CENPP: variants seen among roughly 807,000 people sequenced by gnomAD.
The protein encoded by CENPP is centromere protein P.
Under a neutral mutation model 35.6 loss-of-function variants are expected in CENPP, and 24 were observed. The observed-to-expected ratio is 0.67, with a 90% CI of 0.49 to 0.95. The LOEUF (loss-of-function observed/expected upper bound fraction) is 0.95, where lower values mean the gene tolerates loss of function less well. Ranked by LOEUF, CENPP falls within the 40% of genes least tolerant of loss-of-function variation. The probability of loss-of-function intolerance (pLI) is 0.00; values close to 1 mark genes in which losing one functional copy is unlikely to be tolerated. For synonymous variants in CENPP, 120 were observed against 125.5 expected, an observed-to-expected ratio of 0.96 and a Z score of 0.29; for missense variants, 332 against 345.3, an observed-to-expected ratio of 0.96 and a Z score of 0.31.
chr9:92,422,908 G>A (rs1843853778), intron 5 of CENPP, among the ~76,000 whole-genome samples: 1 of 152,020 alleles, frequency 6.6e-6, no homozygotes, highest in Admixed American at 6.6e-5. Flanking sequence ...TTCTCTATAG[G>A]ATAACTCACA....
chr9:92,382,438 T>C (rs1468841047), intron 5 of CENPP, among the ~76,000 whole-genome samples: 1 of 152,126 alleles, frequency 6.6e-6, no homozygotes, highest in Non-Finnish European at 1.5e-5. Flanking sequence ...CATCTTACAA[T>C]GGTATAGAAC....
intron 5 of CENPP, among the ~76,000 whole-genome samples, chr9:92,412,746 A>G (rs74515658): frequency 1.3e-5 from 2 of 152,192 alleles, no homozygotes; most frequent in East Asian, 3.9e-4. Context: ...CATTTTGTGT[A>G]TCCATTGATG....
intron 5 of CENPP, among the ~76,000 whole-genome samples, chr9:92,533,822 T>C (rs1426800279): frequency 6.6e-6 from 1 of 152,180 alleles, no homozygotes; most frequent in East Asian, 1.9e-4. Flanking sequence ...CTTATAGATA[T>C]TTGTCCATTA....
chr9:92,548,878 A>C (rs1849528476), intron 5 of CENPP, among the ~76,000 whole-genome samples: 1 of 152,136 alleles, frequency 6.6e-6, no homozygotes, highest in Non-Finnish European at 1.5e-5. Context: ...TGTGTGTGTT[A>C]TCTAGAACTT....
intron 5 of CENPP, chr9:92,494,236 A>G: frequency 7.1e-7 from 1 of 1,417,150 alleles, no homozygotes; most frequent in Non-Finnish European, 9.7e-7. Context: ...CTGCTGACTC[A>G]CCTTATTCAG....
chr9:92,558,621 G>A (rs1849777420), intron 5 of CENPP, among the ~76,000 whole-genome samples: 1 of 152,150 alleles, frequency 6.6e-6, no homozygotes. Context: ...TTGGCCTCCT[G>A]TCAAGAGGTG....
At chr9:92,416,354 C>T (rs1166545902) in intron 5 of CENPP, among the ~76,000 whole-genome samples, 1 of 151,984 alleles carries the variant, frequency 6.6e-6, no homozygotes, top group Non-Finnish European at 1.5e-5. Context: ...CCCCACCCGC[C>T]TTAGCCTCCC....
intron 5 of CENPP, among the ~76,000 whole-genome samples, chr9:92,565,617 A>C (rs546230872): frequency 6.6e-6 from 1 of 152,238 alleles, no homozygotes; most frequent in African/African-American, 2.4e-5. Flanking sequence ...TTCTGATCAC[A>C]GAGATACAGA....
At position 92,614,303 on chromosome 9, in the gene CENPP, G is replaced by GAAC; in HGVS notation, c.*1155_*1157dup. On this transcript the variant is annotated 3_prime_UTR_variant, in exon 8 of 8. Coordinates refer to ENST00000375587, the MANE Select transcript of CENPP (RefSeq NM_001012267.3). ...GCCCCAGCCCCAGCCCAGCAACAGT[G>GAAC]AACTCCCTTGGGTCAAGACAGTACT... is the stretch of plus-strand genomic sequence containing the variant. 6.5e-6 allele frequency: 1 copy of GAAC among 153,078 alleles called. No homozygotes were observed. The highest frequency in any genetic ancestry group is 1.5e-5 in the Non-Finnish European group (1 of 68,668). The allele number at this position is 153,078 out of a possible 1,614,324, so 9.5% of individuals were successfully genotyped here.
rs1215892774 is a variant in CENPP at position 92,415,013 on chromosome 9, A to G, written c.564+35154A>G. 5.0e-6 allele frequency: 3 copies of G among 601,184 alleles called. No individual in the cohort carries two copies. In the East Asian group the frequency reaches 9.3e-5, roughly 19 times the overall value. The allele number at this position is 601,184 out of a possible 1,614,324, so 37.2% of individuals were successfully genotyped here. A position where few individuals can be genotyped will look rare whatever the true frequency, so the allele number is the denominator to read the frequency against. ...CCTATGAAATGATGCAGATGTCACC[A>G]ACAACTTAAATTCAATTCTGATCTT... On this transcript the variant is annotated intron_variant, in intron 5 of 7. Coordinates refer to ENST00000375587, the MANE Select transcript of CENPP (RefSeq NM_001012267.3).
intron 5 of CENPP, among the ~76,000 whole-genome samples, chr9:92,468,026 T>G (rs922680932): frequency 6.6e-6 from 1 of 152,212 alleles, no homozygotes; most frequent in African/African-American, 2.4e-5. Context: ...TTAGCAGGAA[T>G]TATTACTCTC....
intron 5 of CENPP, among the ~76,000 whole-genome samples, chr9:92,609,421 C>T (rs539682836): frequency 1.3e-5 from 2 of 152,346 alleles, no homozygotes; most frequent in East Asian, 3.9e-4. Context: ...GCAGTTCCAG[C>T]CTGCTCCCTT....
At chr9:92,328,377 T>C (rs911842625) in intron 1 of CENPP, among the ~76,000 whole-genome samples, 1 of 152,208 alleles carries the variant, frequency 6.6e-6, no homozygotes, top group Non-Finnish European at 1.5e-5. Context: ...ATTATTCAGC[T>C]ATATCCATAT....
intron 5 of CENPP, among the ~76,000 whole-genome samples, chr9:92,594,572 C>T (rs1263679972): frequency 6.6e-6 from 1 of 152,128 alleles, no homozygotes; most frequent in Non-Finnish European, 1.5e-5. Flanking sequence ...TTTCATCGCC[C>T]CTCAAGTTTT....
chr9:92,429,790 A>AATCATC (rs5899160), intron 5 of CENPP, among the ~76,000 whole-genome samples: 29 of 150,538 alleles, frequency 1.9e-4, no homozygotes, highest in Non-Finnish European at 3.4e-4. Flanking sequence ...TCCGTCTCAA[A>AATCATC]ATCATCATCA....
In CENPP at chr9:92,618,917, GCTGT is replaced by G. The variant is rs1345523339; in HGVS notation, c.*5771_*5774del. On this transcript the variant is annotated 3_prime_UTR_variant, in exon 8 of 8. Coordinates refer to ENST00000375587, the MANE Select transcript of CENPP (RefSeq NM_001012267.3). The stretch of plus-strand genomic sequence containing the variant: ...ACCCCTGAAGATCGGTGATGGAGAT[GCTGT>G]CTAACGACTATGAGATTATCAGTTT... The G allele has an allele frequency of 3.9e-5, 12 of 308,918 alleles. No individual in the cohort carries two copies. The highest frequency in any genetic ancestry group is 9.0e-5 in the South Asian group (3 of 33,346). 19.1% of individuals were successfully genotyped at this position (308,918 alleles called of 1,614,324 possible). A position where few individuals can be genotyped will look rare whatever the true frequency, so the allele number is the denominator to read the frequency against.
intron 5 of CENPP, among the ~76,000 whole-genome samples, chr9:92,438,041 C>T (rs934018395): frequency 2.0e-5 from 3 of 152,174 alleles, no homozygotes; most frequent in Non-Finnish European, 4.4e-5. Context: ...CTCCTAGGCT[C>T]AAGTGATCCT....
intron 5 of CENPP, chr9:92,514,849 CCCT>C (rs754026851): frequency 3.7e-6 from 6 of 1,611,634 alleles, no homozygotes; most frequent in South Asian, 1.1e-5. Flanking sequence ...ACCCTCCTCA[CCCT>C]CCTCCTCCTC....
chr9:92,571,919 T>G (rs1210650438), intron 5 of CENPP, among the ~76,000 whole-genome samples: 1 of 151,714 alleles, frequency 6.6e-6, no homozygotes, highest in Non-Finnish European at 1.5e-5. Context: ...TTTTTTTTTT[T>G]TTTTTGTTTT....
Sources: allele counts gnomAD v4.1 joint callset (sites outside exome capture counted in the v4.1 genomes callset), GRCh38; gene constraint gnomAD v4.1.1; transcripts MANE v1.5; gene names NCBI Gene and HGNC (gene_info 2026-07-23, HGNC 2026-07-21).